The following RAB3C variants were observed in gnomAD, a reference collection of about 807,000 sequenced individuals.
RAB3C encodes ras-related protein Rab-3C.
In RAB3C, 17 loss-of-function variants were observed where a neutral mutation model predicts 26.4. The observed-to-expected ratio is 0.64, with a 90% CI of 0.44 to 0.97. The LOEUF (loss-of-function observed/expected upper bound fraction) is 0.97, where lower values mean the gene tolerates loss of function less well. RAB3C is among the 50% of genes least tolerant of loss of function. The pLI is 0.00. For missense variants in RAB3C, 242 were observed against 281.9 expected (o/e 0.86, Z 1.01); for synonymous variants, 91 against 95.9 (o/e 0.95, Z 0.30).
intron 3 of RAB3C, chr5:58,815,619 C>T (rs1743198268): frequency 6.6e-6 from 1 of 152,184 alleles, no homozygotes; most frequent in Non-Finnish European, 1.5e-5. Context: ...GCACTGGCAT[C>T]ACATAAGATG....
chr5:58,594,147 C>T (rs1746195513), intron 1 of RAB3C, among the ~76,000 whole-genome samples: 1 of 152,154 alleles, frequency 6.6e-6, no homozygotes, highest in African/African-American at 2.4e-5. Flanking sequence ...CACCAAGTGG[C>T]TTGGATGATA....
At chr5:58,845,043 A>G (rs1181995528) in intron 4 of RAB3C, among the ~76,000 whole-genome samples, 1 of 152,196 alleles carries the variant, frequency 6.6e-6, no homozygotes, top group Non-Finnish European at 1.5e-5. Context: ...TAAGTGTGCA[A>G]TACTGTGATT....
chr5:58,584,460 T>G (rs1745970498), intron 1 of RAB3C, among the ~76,000 whole-genome samples: 1 of 152,166 alleles, frequency 6.6e-6, no homozygotes, highest in African/African-American at 2.4e-5. Context: ...TACCTCTATT[T>G]GTGACTTAGC....
At chr5:58,608,610 C>T (rs1416935229) in intron 1 of RAB3C, among the ~76,000 whole-genome samples, 1 of 152,134 alleles carries the variant, frequency 6.6e-6, no homozygotes, top group Non-Finnish European at 1.5e-5. Context: ...TTAATTTAAC[C>T]ATTGTGCAAA....
chr5:58,677,713 A>G (rs17281333), intron 2 of RAB3C, among the ~76,000 whole-genome samples: 15,847 of 152,240 alleles, frequency 0.1, 957 homozygotes, highest in Middle Eastern at 0.21. Context: ...TAGCTTGTTT[A>G]TTTGAACTGA....
At chr5:58,697,939 A>G (rs1481163474) in intron 2 of RAB3C, among the ~76,000 whole-genome samples, 1 of 152,152 alleles carries the variant, frequency 6.6e-6, no homozygotes, top group African/African-American at 2.4e-5. Context: ...TAATATTGTT[A>G]TATGTGAATT....
chr5:58,696,562 TG>T lies in RAB3C; in HGVS notation c.253-29439del, dbSNP rs999475780. Among the ~76,000 whole-genome samples the T allele has an allele frequency of 3.3e-5, 5 of 152,178 alleles. No individual in the cohort carries two copies. In the South Asian group the frequency reaches 6.2e-4, roughly 19 times the overall value. The stretch of plus-strand genomic sequence containing the variant: ...AATCCGTCTGGTCCTGGACTCTTTT[TG>T]TTTGGTAGGCTATTAATTATTGCTT... On this transcript the variant is annotated intron_variant, in intron 2 of 4. Coordinates refer to ENST00000282878, the MANE Select transcript of RAB3C (RefSeq NM_138453.4).
intron 2 of RAB3C, among the ~76,000 whole-genome samples, chr5:58,623,982 C>T (rs1179750822): frequency 6.6e-6 from 1 of 152,148 alleles, no homozygotes; most frequent in African/African-American, 2.4e-5. Context: ...TAAGTATTTG[C>T]TATGGTAAAT....
chr5:58,707,675 G>A (rs1412285724), intron 2 of RAB3C, among the ~76,000 whole-genome samples: 1 of 152,182 alleles, frequency 6.6e-6, no homozygotes, highest in Non-Finnish European at 1.5e-5. Context: ...GACCAAGGGT[G>A]CTTGGAGAAG....
chr5:58,656,465 C>T (rs1747774355), intron 2 of RAB3C, among the ~76,000 whole-genome samples: 1 of 151,956 alleles, frequency 6.6e-6, no homozygotes, highest in Non-Finnish European at 1.5e-5. Context: ...ATCAAAACAC[C>T]ATATTGTATG....
intron 2 of RAB3C, among the ~76,000 whole-genome samples, chr5:58,674,858 TA>T (rs113084563): frequency 2.8e-3 from 385 of 139,518 alleles, no homozygotes; most frequent in African/African-American, 4.5e-3. Flanking sequence ...GAAACATACA[TA>T]AAAAAAAAAA....
At chr5:58,752,505 A>G (rs1561310091) in intron 3 of RAB3C, among the ~76,000 whole-genome samples, 1 of 151,976 alleles carries the variant, frequency 6.6e-6, no homozygotes, top group Admixed American at 6.6e-5. Flanking sequence ...AGAAAGACAT[A>G]TTCCGTGTTA....
intron 2 of RAB3C, among the ~76,000 whole-genome samples, chr5:58,701,267 C>T (rs1038099721): frequency 6.6e-5 from 10 of 152,186 alleles, no homozygotes; most frequent in African/African-American, 2.4e-4. Flanking sequence ...TCCCAAGGTG[C>T]TGGAATTACA....
chr5:58,749,474 G>T (rs914390400), intron 3 of RAB3C, among the ~76,000 whole-genome samples: 1 of 152,166 alleles, frequency 6.6e-6, no homozygotes, highest in African/African-American at 2.4e-5. Flanking sequence ...CAATAAAAAT[G>T]TTAACAATAT....
chr5:58,706,705 A>T (rs1748951015), intron 2 of RAB3C, among the ~76,000 whole-genome samples: 2 of 152,160 alleles, frequency 1.3e-5, no homozygotes, highest in South Asian at 4.1e-4. Context: ...CCTCTTACAG[A>T]ATGCACAACT....
chr5:58,743,964 T>C (rs1325759702), intron 3 of RAB3C, among the ~76,000 whole-genome samples: 1 of 152,222 alleles, frequency 6.6e-6, no homozygotes, highest in East Asian at 1.9e-4. Flanking sequence ...TGCCCTTACC[T>C]CTATGGCCAA....
chr5:58,815,441 G>A (rs115018066), intron 3 of RAB3C, among the ~76,000 whole-genome samples: 1 of 152,182 alleles, frequency 6.6e-6, no homozygotes, highest in African/African-American at 2.4e-5. Context: ...AGATCAGAAA[G>A]GAAAATGTGA....
At chr5:58,680,111 A>G (rs950308421) in intron 2 of RAB3C, among the ~76,000 whole-genome samples, 4 of 152,202 alleles carry the variant, frequency 2.6e-5, no homozygotes, top group African/African-American at 9.6e-5. Context: ...ACTAATTTAC[A>G]ACAAATAAAA....
intron 1 of RAB3C, among the ~76,000 whole-genome samples, chr5:58,613,546 G>A (rs1746760097): frequency 1.3e-5 from 2 of 151,798 alleles, no homozygotes; most frequent in African/African-American, 4.8e-5. Flanking sequence ...GCAAACAAGA[G>A]GAAATTTAAC....
Sources: gnomAD v4.1 joint callset for allele counts (sites outside exome capture counted in the v4.1 genomes callset) on GRCh38, gnomAD v4.1.1 for gene constraint, MANE v1.5 for transcripts, NCBI Gene and HGNC (gene_info 2026-07-23, HGNC 2026-07-21) for gene names.